Variants in MAB21L3 observed in about 807,000 individuals in gnomAD.
MAB21L3 encodes mab-21 like 3, also known as protein mab-21-like 3.
MAB21L3 carries 36 observed loss-of-function variants against 37.7 expected under a neutral mutation model. That is an observed-to-expected ratio of 0.96 (90% confidence interval 0.73 to 1.26). The LOEUF is 1.26. Among genes scored for constraint, MAB21L3 ranks in the 50% most tolerant of loss-of-function variants. The pLI, the probability that MAB21L3 is intolerant of heterozygous loss-of-function variation, is 0.00. For missense variants in MAB21L3, 430 were observed against 447.3 expected, an observed-to-expected ratio of 0.96 and a Z score of 0.35; for synonymous variants, 186 against 176.8, an observed-to-expected ratio of 1.05 and a Z score of -0.41.
At chr1:116,115,849 A>G (rs1203955779) in intron 3 of MAB21L3, among the ~76,000 whole-genome samples, 1 of 152,184 alleles carries the variant, frequency 6.6e-6, no homozygotes, top group Non-Finnish European at 1.5e-5. Flanking sequence ...GCAGCCCAAG[A>G]TGGGACAAGG....
rs1660170917 is a variant in MAB21L3 at position 116,134,968 on chromosome 1, T to A, written c.*1603T>A. 1 of 151,906 alleles carries A rather than the reference T, an allele frequency of 6.6e-6. No individual in the cohort carries two copies. 9.4% of individuals were successfully genotyped at this position (151,906 alleles called of 1,614,324 possible). A position where few individuals can be genotyped will look rare whatever the true frequency, so the allele number is the denominator to read the frequency against. ...GCATGAACTACTGATTTTGTTTTCA[T>A]GAAAATTCACATTTGAAAATGAAAA... is the stretch of plus-strand genomic sequence containing the variant. On this transcript the variant is annotated 3_prime_UTR_variant, in exon 8 of 8. Coordinates refer to ENST00000369500, the MANE Select transcript of MAB21L3 (RefSeq NM_152367.3).
chr1:116,123,723 G>A, intron 4 of MAB21L3: 1 of 190,274 alleles, frequency 5.3e-6, no homozygotes, highest in Non-Finnish European at 1.1e-5. Context: ...TAGAATTACG[G>A]TGTTGCGTCT....
chr1:116,128,851 G>A (rs1426103316), intron 7 of MAB21L3, among the ~76,000 whole-genome samples: 1 of 152,180 alleles, frequency 6.6e-6, no homozygotes, highest in Admixed American at 6.5e-5. Flanking sequence ...CACACACGTA[G>A]TGCCACACAC....
rs1034368656 is a variant in MAB21L3, at chr1:116,138,139, C to G, written c.*4774C>G. 6.6e-6 allele frequency among the ~76,000 whole-genome samples: 1 copy of G among 151,590 alleles called. No homozygotes were observed. The highest frequency in any genetic ancestry group is 1.5e-5 in the Non-Finnish European group (1 of 67,894). ...AAAGTATGATTAAAAAAAAAAAGTA[C>G]TGTAACCAAATGGTGGGGTCCCTAG... is the stretch of plus-strand genomic sequence containing the variant. On this transcript the variant is annotated 3_prime_UTR_variant, in exon 8 of 8. Transcript: ENST00000369500.
At position 116,137,673 on chromosome 1, in the gene MAB21L3, C is replaced by T. The variant is rs945604098; in HGVS notation, c.*4308C>T. Among the ~76,000 whole-genome samples the T allele has an allele frequency of 2.6e-5, 4 of 151,552 alleles. No homozygotes were observed. The highest frequency in any genetic ancestry group is 5.9e-5 in the Non-Finnish European group (4 of 68,004). On this transcript the variant is annotated 3_prime_UTR_variant, in exon 8 of 8. Transcript: ENST00000369500. Reference sequence around the variant, plus strand: ...TCATGCTGCTATAAAGACACATGCACACGTATGTTTATTGCGGCATTATTC... The same window carrying T: ...TCATGCTGCTATAAAGACACATGCATACGTATGTTTATTGCGGCATTATTC...
At chr1:116,130,898 A>C (rs1660049914) in intron 7 of MAB21L3, among the ~76,000 whole-genome samples, 1 of 152,232 alleles carries the variant, frequency 6.6e-6, no homozygotes, top group South Asian at 2.1e-4. Flanking sequence ...CTTGCATGAA[A>C]TTATCTCTAA....
chr1:116,130,162 G>A (rs567224636), intron 7 of MAB21L3, among the ~76,000 whole-genome samples: 7 of 152,306 alleles, frequency 4.6e-5, no homozygotes, highest in South Asian at 2.1e-4. Flanking sequence ...AATACCATTC[G>A]GTGACATGAA....
At chr1:116,119,455 A>G (rs564404068) in intron 3 of MAB21L3, among the ~76,000 whole-genome samples, 47 of 152,228 alleles carry the variant, frequency 3.1e-4, no homozygotes, top group Non-Finnish European at 5.7e-4. Context: ...TTAGGAAAAC[A>G]GGAATCTCTT....
rs1659963888 is a variant in MAB21L3 at position 116,128,152 on chromosome 1, G to A, written c.668G>A (p.Gly223Glu). 1.2e-6 allele frequency: 2 copies of A among 1,610,706 alleles called. No homozygotes were observed. The highest frequency in any genetic ancestry group is 1.3e-5 in the African/African-American group (1 of 74,784). ...QERVECIKSF[G>E]FNLLACSNYH... ...TTTTTCTCTTTCTTCCAGTCGTTTGGATTTAACTTGTTGGCCTGTTCAAAT... is the reference window on the plus strand; with the variant it reads ...TTTTTCTCTTTCTTCCAGTCGTTTGAATTTAACTTGTTGGCCTGTTCAAAT... The change falls in exon 7 of 8, where the codon GGA becomes GAA. Residue 223 changes from glycine (G) to glutamate (E), a missense_variant. Coordinates refer to ENST00000369500, the MANE Select transcript of MAB21L3 (RefSeq NM_152367.3).
In MAB21L3 at chr1:116,127,424, AAC is replaced by A. The variant is rs1449511300; in HGVS notation, c.482-41_482-40del. The A allele has an allele frequency of 1.9e-6, 3 of 1,589,658 alleles. No individual in the cohort carries two copies. In the South Asian group the frequency reaches 3.5e-5, roughly 18 times the overall value. On this transcript the variant is annotated intron_variant, in intron 5 of 7. Coordinates refer to ENST00000369500, the MANE Select transcript of MAB21L3 (RefSeq NM_152367.3). ...CTTGTTTGAACGCTTGTAATGTGCA[AAC>A]CTTTCTCTTCTCCTTATCCATTTGG... is the stretch of plus-strand genomic sequence containing the variant.
chr1:116,124,023 A>G lies in MAB21L3; in HGVS notation c.190-43A>G, dbSNP rs772554395. On this transcript the variant is annotated intron_variant, in intron 4 of 7. Coordinates refer to ENST00000369500, the MANE Select transcript of MAB21L3 (RefSeq NM_152367.3). ...TCCCAGGACTTCCGTTACCTCCCGAATCTGTGAATTCATGCTTGTTTTCAA... is the reference window on the plus strand; with the variant it reads ...TCCCAGGACTTCCGTTACCTCCCGAGTCTGTGAATTCATGCTTGTTTTCAA... The G allele has an allele frequency of 3.0e-5, 47 of 1,550,850 alleles. 1 individual carries two copies. Among genetic ancestry groups the G allele is most frequent in the Middle Eastern group, 3.5e-4 (2 of 5,768 alleles).
At chr1:116,126,643 G>A (rs1659915349) in intron 5 of MAB21L3, among the ~76,000 whole-genome samples, 1 of 152,062 alleles carries the variant, frequency 6.6e-6, no homozygotes, top group East Asian at 1.9e-4. Flanking sequence ...ATATCTAGGT[G>A]AAGAGGGAAA....
At chr1:116,115,018 G>T (rs1659548594) in intron 3 of MAB21L3, among the ~76,000 whole-genome samples, 1 of 152,136 alleles carries the variant, frequency 6.6e-6, no homozygotes, top group African/African-American at 2.4e-5. Flanking sequence ...ACAGGGCAGT[G>T]GTTACAAATA....
chr1:116,114,680 A>G (rs921329598), intron 3 of MAB21L3, among the ~76,000 whole-genome samples: 5 of 152,218 alleles, frequency 3.3e-5, no homozygotes, highest in African/African-American at 1.2e-4. Context: ...GGTCTCTAGG[A>G]TAGCCCTGTC....
chr1:116,116,704 C>A (rs1659598396), intron 3 of MAB21L3, among the ~76,000 whole-genome samples: 1 of 152,092 alleles, frequency 6.6e-6, no homozygotes, highest in South Asian at 2.1e-4. Context: ...TAAAGTCACA[C>A]CAGACGAGGC....
rs756552993 is a variant in MAB21L3 at position 116,133,115 on chromosome 1, A to T, written c.856-17A>T. 6.3e-7 allele frequency: 1 copy of T among 1,599,392 alleles called. No homozygotes were observed. Among genetic ancestry groups the T allele is most frequent in the South Asian group, 1.1e-5 (1 of 90,538 alleles). ...ATTGCCCGAAACAATGTCTGACAGC[A>T]CTTCTCCCTTCCACAGACTGTGCTC... is the stretch of plus-strand genomic sequence containing the variant. On this transcript the variant is annotated splice_polypyrimidine_tract_variant and intron_variant, in intron 7 of 7. Coordinates refer to ENST00000369500, the MANE Select transcript of MAB21L3 (RefSeq NM_152367.3).
intron 3 of MAB21L3, among the ~76,000 whole-genome samples, chr1:116,117,948 C>T (rs1047845947): frequency 5.9e-5 from 9 of 152,126 alleles, no homozygotes; most frequent in Non-Finnish European, 1.0e-4. Flanking sequence ...GAAATCCTTA[C>T]AAACTGGTTT....
rs555581462 is a variant in MAB21L3, at chr1:116,135,747, G to A, written c.*2382G>A. 3.3e-5 allele frequency among the ~76,000 whole-genome samples: 5 copies of A among 152,188 alleles called. No individual in the cohort carries two copies. In the East Asian group the frequency reaches 7.7e-4, roughly 24 times the overall value. On this transcript the variant is annotated 3_prime_UTR_variant, in exon 8 of 8. Coordinates refer to ENST00000369500, the MANE Select transcript of MAB21L3 (RefSeq NM_152367.3). ...ATCCTCAGTAAAATTCTGGCAAACC[G>A]AATCCAGCAGCACATCAAAAAGCTT...
chr1:116,125,483 C>G (rs1394619542), intron 5 of MAB21L3, among the ~76,000 whole-genome samples: 1 of 152,158 alleles, frequency 6.6e-6, no homozygotes, highest in Admixed American at 6.5e-5. Context: ...TACTATGCAG[C>G]CTTTAAAAAG....
Sources: gnomAD v4.1 joint callset for allele counts (sites outside exome capture counted in the v4.1 genomes callset) on GRCh38, gnomAD v4.1.1 for gene constraint, MANE v1.5 for transcripts, NCBI Gene and HGNC (gene_info 2026-07-23, HGNC 2026-07-21) for gene names.